Variants in MORC2 observed in about 807,000 individuals in gnomAD.
MORC2 encodes MORC family CW-type zinc finger 2, also known as ATPase MORC2.
Under a neutral mutation model 136.0 loss-of-function variants are expected in MORC2, and 30 were observed. That is an observed-to-expected ratio of 0.22 (90% CI 0.17 to 0.30). The LOEUF is 0.30. MORC2 is among the 10% of genes least tolerant of loss of function. The probability of loss-of-function intolerance (pLI) is 1.00; values close to 1 mark genes in which losing one functional copy is unlikely to be tolerated. For missense variants in MORC2, 922 were observed against 1,333.1 expected, an observed-to-expected ratio of 0.69 and a Z score of 4.80; for synonymous variants, 439 against 487.0, an observed-to-expected ratio of 0.90 and a Z score of 1.30.
intron 3 of MORC2, among the ~76,000 whole-genome samples, chr22:30,954,460 G>A (rs1331871308): frequency 6.6e-6 from 1 of 152,136 alleles, no homozygotes; most frequent in East Asian, 1.9e-4. Context: ...ATCCTTAACT[G>A]TCTTGACTGT....
At position 30,934,319 on chromosome 22, in the gene MORC2, C is replaced by T. The variant is rs938312999; in HGVS notation, c.2194-128G>A. On this transcript the variant is annotated intron_variant, in intron 19 of 25. Transcript: ENST00000397641. The surrounding 1 kb of genome is among the most constrained non-coding windows in gnomAD (Gnocchi z 4.4). ...TCCCTGCAATCCCTGCCTGACATTA[C>T]TTGGAATGTACACAGGCAACCCACT... 2.2e-6 allele frequency: 3 copies of T among 1,367,860 alleles called. No individual in the cohort carries two copies. The highest frequency in any genetic ancestry group is 3.0e-6 in the Non-Finnish European group (3 of 1,011,584). 84.7% of individuals were successfully genotyped at this position (1,367,860 alleles called of 1,614,324 possible). A position where few individuals can be genotyped will look rare whatever the true frequency, so the allele number is the denominator to read the frequency against.
chr22:30,946,573 G>A, intron 5 of MORC2, 124 bp from the exon 6 acceptor site: 1 of 747,658 alleles, frequency 1.3e-6, no homozygotes, highest in Non-Finnish European at 2.2e-6. Context: ...GGCCCCCCCA[G>A]GTCCCAGGAC....
intron 1 of MORC2, chr22:30,967,288 T>C: frequency 8.1e-6 from 8 of 986,508 alleles, no homozygotes; most frequent in Non-Finnish European, 9.6e-6. Context: ...AAGTTGCCGT[T>C]TCCTGTTTAG....
At chr22:30,942,088 G>A in intron 7 of MORC2, 24 bp downstream of exon 7, 3 of 1,612,098 alleles carry the variant, frequency 1.9e-6, no homozygotes, top group Non-Finnish European at 1.7e-6. Flanking sequence ...GATTCTAGGG[G>A]CTACAGGCTC....
chr22:30,968,739 C>T lies in MORC2; in HGVS notation c.-850G>A, dbSNP rs959784860. 6.6e-6 allele frequency among the ~76,000 whole-genome samples: 1 copy of T among 152,086 alleles called. No individual in the cohort carries two copies. Among genetic ancestry groups the T allele is most frequent in the Non-Finnish European group, 1.5e-5 (1 of 68,008 alleles). On this transcript the variant is annotated 5_prime_UTR_variant, in exon 1 of 26. Coordinates refer to ENST00000397641, the MANE Select transcript of MORC2 (RefSeq NM_001303256.3). The stretch of plus-strand genomic sequence containing the variant: ...ACCGGATCGAGGGCAGTGGCGAGCG[C>T]ACCACCTGACCGGGCACTACCCGGA...
rs180822691 is a variant in MORC2, at chr22:30,963,035, G to A, written c.69-4341C>T. ...GTCACCCAGGCTGGAGTGCAGTGGT[G>A]CGATCGGCTCACTGCAAGCTCCGCC... On this transcript the variant is annotated intron_variant, in intron 1 of 25. Coordinates refer to ENST00000397641, the MANE Select transcript of MORC2 (RefSeq NM_001303256.3). Among the ~76,000 whole-genome samples, 863 of 151,370 alleles carry A rather than the reference G, an allele frequency of 5.7e-3. 10 individuals carry two copies. Among genetic ancestry groups the A allele is most frequent in the African/African-American group, 0.019 (780 of 41,232 alleles).
chr22:30,926,971 C>A, intron 25 of MORC2, 100 bp from the exon 26 acceptor site: 2 of 949,032 alleles, frequency 2.1e-6, no homozygotes, highest in Non-Finnish European at 3.3e-6. Context: ...GCCCAGAGTC[C>A]TCTCCCTGAC....
At chr22:30,951,381 G>A (rs2040883750) in intron 3 of MORC2, among the ~76,000 whole-genome samples, 1 of 152,236 alleles carries the variant, frequency 6.6e-6, no homozygotes, top group African/African-American at 2.4e-5. Flanking sequence ...CTTCCAAGGT[G>A]CCTTTTGACC....
rs737924 is a variant in MORC2, at chr22:30,958,667, G to A, written c.96C>T (p.Ala32=). Residue 32 remains alanine (A), a synonymous_variant, in exon 2 of 26, where the codon GCC becomes GCT. Transcript: ENST00000397641. The stretch of plus-strand genomic sequence containing the variant: ...TTGCATTATCAACCAGTTCAGCAAG[G>A]GCACCAAACAAGAATTCGTGAGTGG... ...NSTTHEFLFG[A]LAELVDNARD... The A allele has an allele frequency of 0.34, 530,674 of 1,544,876 alleles. 96,093 individuals carry two copies. Among genetic ancestry groups the A allele is most frequent in the East Asian group, 0.63 (25,616 of 40,796 alleles).
chr22:30,946,309 C>G (rs2040814427), intron 6 of MORC2, 32 bp downstream of exon 6: 1 of 1,549,710 alleles, frequency 6.5e-7, no homozygotes, highest in Non-Finnish European at 8.8e-7. Flanking sequence ...GAAATGAGGA[C>G]TGGTGATGCA....
intron 3 of MORC2, among the ~76,000 whole-genome samples, chr22:30,954,085 C>T (rs529447105): frequency 2.6e-5 from 4 of 152,152 alleles, no homozygotes; most frequent in Non-Finnish European, 4.4e-5. Context: ...AGTCAGATTA[C>T]TTGAGCTCAG....
At chr22:30,936,783 A>G (rs1025358768) in intron 16 of MORC2, 140 bp from the exon 17 acceptor site, 23 of 1,287,128 alleles carry the variant, frequency 1.8e-5, no homozygotes, top group Non-Finnish European at 2.4e-5. Flanking sequence ...AATCTTATAC[A>G]CTGCAGGACA....
chr22:30,935,829 G>A (rs553678787), intron 17 of MORC2, among the ~76,000 whole-genome samples: 2 of 152,228 alleles, frequency 1.3e-5, no homozygotes, highest in East Asian at 3.9e-4. Flanking sequence ...AGTTTAAAAG[G>A]AATAAAAGTG....
chr22:30,956,921 T>C, intron 2 of MORC2, 124 bp from the exon 3 acceptor site: 2 of 707,074 alleles, frequency 2.8e-6, no homozygotes. Flanking sequence ...ACAGAAATTC[T>C]ATAGACATTT....
intron 24 of MORC2, among the ~76,000 whole-genome samples, chr22:30,931,392 C>A (rs1179256963): frequency 6.6e-6 from 1 of 152,196 alleles, no homozygotes; most frequent in Admixed American, 6.5e-5. Flanking sequence ...CCAACTGGCC[C>A]TCTACAGAAA....
At position 30,934,772 on chromosome 22, in the gene MORC2, G is replaced by C. The variant is rs1041408483; in HGVS notation, c.2193+9C>G. ...TGGGCTGGGGTATTAAAGAGGACAA[G>C]CGTCTCACCGGGGAGAGTTTGATGG... On this transcript the variant is annotated intron_variant, in intron 19 of 25. Coordinates refer to ENST00000397641, the MANE Select transcript of MORC2 (RefSeq NM_001303256.3). This position sits in a 1 kb window ranked among gnomAD's most constrained non-coding sequence, Gnocchi z 4.4. 2 of 1,613,464 alleles carry C rather than the reference G, an allele frequency of 1.2e-6. No individual in the cohort carries two copies. Among genetic ancestry groups the C allele is most frequent in the Non-Finnish European group, 1.7e-6 (2 of 1,179,558 alleles).
chr22:30,963,657 A>C (rs2041083002), intron 1 of MORC2, among the ~76,000 whole-genome samples: 1 of 152,152 alleles, frequency 6.6e-6, no homozygotes, highest in African/African-American at 2.4e-5. Flanking sequence ...AAGTGCTGGG[A>C]TTACAGGCAT....
rs551589542 is a variant in MORC2, at chr22:30,945,725, A to T, written c.426+616T>A. 3.9e-5 allele frequency among the ~76,000 whole-genome samples: 6 copies of T among 152,256 alleles called. No homozygotes were observed. The South Asian group carries it at 1.2e-3, about 32-fold the overall frequency. On this transcript the variant is annotated intron_variant, in intron 6 of 25. Coordinates refer to ENST00000397641, the MANE Select transcript of MORC2 (RefSeq NM_001303256.3). ...ATGATTTAAACTCAGAATATTCTGG[A>T]TTCATTAGTCCTTCCTTCCAGCATA...
At position 30,926,591 on chromosome 22, in the gene MORC2, G is replaced by A. The variant is rs1436564905; in HGVS notation, c.*212C>T. The A allele has an allele frequency of 1.7e-4, 24 of 141,510 alleles. 1 individual carries two copies. Among genetic ancestry groups the A allele is most frequent in the Admixed American group, 2.8e-4 (3 of 10,806 alleles). The allele number at this position is 141,510 out of a possible 1,614,324, so 8.8% of individuals were successfully genotyped here. On this transcript the variant is annotated 3_prime_UTR_variant, in exon 26 of 26. Coordinates refer to ENST00000397641, the MANE Select transcript of MORC2 (RefSeq NM_001303256.3). ...AAAAAAAAAAAAAAAAAAAAAGTAT[G>A]GTCTCACAGGCACAGCATCTTCTTT...
Sources: gnomAD v4.1 joint callset for allele counts (sites outside exome capture counted in the v4.1 genomes callset) on GRCh38, gnomAD v4.1.1 for gene constraint, Gnocchi (gnomAD v3.1) non-coding constraint, MANE v1.5 for transcripts, NCBI Gene and HGNC (gene_info 2026-07-23, HGNC 2026-07-21) for gene names.